CCDC178: variants seen among roughly 807,000 people sequenced by gnomAD.
CCDC178 encodes the protein coiled-coil domain containing 178.
A neutral mutation model predicts 117.4 loss-of-function variants in CCDC178; 126 were observed. That is an observed-to-expected ratio of 1.07 (90% CI 0.93 to 1.24). CCDC178 has a LOEUF of 1.24. Among genes scored for constraint, CCDC178 ranks in the 50% most tolerant of loss-of-function variants. The probability of loss-of-function intolerance (pLI) is 0.00; values close to 1 mark genes in which losing one functional copy is unlikely to be tolerated. For synonymous variants in CCDC178, 283 were observed against 313.4 expected (o/e 0.90, Z 1.02); for missense variants, 1,030 against 986.9 (o/e 1.04, Z -0.59).
At chr18:33,375,857 C>T (rs1201263771) in intron 5 of CCDC178, among the ~76,000 whole-genome samples, 1 of 152,156 alleles carries the variant, frequency 6.6e-6, no homozygotes, top group Non-Finnish European at 1.5e-5. Context: ...AACTTCAATT[C>T]TTGCCTCCTC....
intron 22 of CCDC178, among the ~76,000 whole-genome samples, chr18:32,958,765 T>C (rs1800727553): frequency 6.6e-6 from 1 of 152,182 alleles, no homozygotes; most frequent in African/African-American, 2.4e-5. Flanking sequence ...AGACTTTAAT[T>C]CTGCAAGCTT....
intron 15 of CCDC178, among the ~76,000 whole-genome samples, chr18:33,240,851 T>C (rs10221445): frequency 0.84 from 127,648 of 151,878 alleles, 54,236 homozygotes; most frequent in South Asian, 0.93. Context: ...TAGGTCATTC[T>C]ATGAGGCCAG....
At chr18:33,077,240 A>T (rs2145019033) in intron 21 of CCDC178, among the ~76,000 whole-genome samples, 1 of 152,258 alleles carries the variant, frequency 6.6e-6, no homozygotes, top group South Asian at 2.1e-4. Flanking sequence ...GTCCCAGGGG[A>T]CTCGGTTTGA....
chr18:33,438,661 C>T (rs2064327661), intron 2 of CCDC178, among the ~76,000 whole-genome samples: 1 of 151,926 alleles, frequency 6.6e-6, no homozygotes, highest in Non-Finnish European at 1.5e-5. Flanking sequence ...ACTAATTTTC[C>T]ACCAGGTATA....
intron 18 of CCDC178, among the ~76,000 whole-genome samples, chr18:33,219,763 C>T (rs1311676787): frequency 5.3e-5 from 8 of 151,572 alleles, no homozygotes; most frequent in Non-Finnish European, 1.0e-4. Flanking sequence ...CATCACACAC[C>T]GGAGCCTGTC....
At chr18:33,118,889 C>A (rs1030709328) in intron 20 of CCDC178, among the ~76,000 whole-genome samples, 1 of 152,100 alleles carries the variant, frequency 6.6e-6, no homozygotes, top group African/African-American at 2.4e-5. Flanking sequence ...TACCACACAT[C>A]TACAACCATC....
At chr18:33,200,729 G>C (rs1198618123) in intron 20 of CCDC178, among the ~76,000 whole-genome samples, 3 of 152,088 alleles carry the variant, frequency 2.0e-5, no homozygotes, top group African/African-American at 7.2e-5. Flanking sequence ...CAGATTTCCT[G>C]CAAGCCCCTC....
chr18:33,090,321 G>T (rs1026361036), intron 21 of CCDC178, among the ~76,000 whole-genome samples: 8 of 152,242 alleles, frequency 5.3e-5, no homozygotes, highest in Admixed American at 1.3e-4. Flanking sequence ...TATTTACTAT[G>T]CCAAAAGGAA....
At chr18:33,281,347 TA>T (rs1247394176) in intron 12 of CCDC178, among the ~76,000 whole-genome samples, 1 of 151,912 alleles carries the variant, frequency 6.6e-6, no homozygotes, top group Non-Finnish European at 1.5e-5. Flanking sequence ...ATTTTTATCT[TA>T]AAAAATAAAT....
At chr18:33,315,196 C>T (rs1176724056) in intron 11 of CCDC178, among the ~76,000 whole-genome samples, 1 of 152,118 alleles carries the variant, frequency 6.6e-6, no homozygotes, top group Non-Finnish European at 1.5e-5. Context: ...TCAAAGTCTC[C>T]CTAGACTCAC....
chr18:33,049,074 A>T (rs2056696505), intron 21 of CCDC178, among the ~76,000 whole-genome samples: 1 of 152,156 alleles, frequency 6.6e-6, no homozygotes, highest in South Asian at 2.1e-4. Flanking sequence ...CAAGTGTAAC[A>T]GCAATTAAGT....
At chr18:32,938,169 C>T (rs2054161871) in intron 22 of CCDC178, 78 bp from the exon 23 acceptor site, 1 of 990,790 alleles carries the variant, frequency 1.0e-6, no homozygotes, top group African/African-American at 1.6e-5. Context: ...TGAAATCATA[C>T]ACATGGAAAA....
At chr18:33,225,405 C>G (rs1429739959) in intron 16 of CCDC178, among the ~76,000 whole-genome samples, 2 of 152,122 alleles carry the variant, frequency 1.3e-5, no homozygotes, top group African/African-American at 4.8e-5. Flanking sequence ...AGCGATCCAC[C>G]CGCCTTGGCC....
intron 22 of CCDC178, among the ~76,000 whole-genome samples, chr18:32,961,421 C>T (rs2054700794): frequency 6.6e-6 from 1 of 152,016 alleles, no homozygotes; most frequent in African/African-American, 2.4e-5. Flanking sequence ...CCATATTGAG[C>T]TTGGTGTTGC....
Position 32,987,796 on chromosome 18 carries a change from A to C in CCDC178, c.2389-13115T>G, listed in dbSNP as rs1286625914. On this transcript the variant is annotated intron_variant, in intron 21 of 22. Coordinates refer to ENST00000383096, the MANE Select transcript of CCDC178 (RefSeq NM_001105528.4). ...ATATCTCCTTAGACATTTATGAGTA[A>C]AGTTAAAAATAATACATTTGGCTGG... 3.3e-5 allele frequency among the ~76,000 whole-genome samples: 5 copies of C among 151,106 alleles called. No individual in the cohort carries two copies. The East Asian group carries it at 9.6e-4, about 29-fold the overall frequency.
intron 22 of CCDC178, among the ~76,000 whole-genome samples, chr18:32,943,569 G>C (rs1374512626): frequency 6.6e-6 from 1 of 151,766 alleles, no homozygotes; most frequent in Non-Finnish European, 1.5e-5. Flanking sequence ...AAATTAATTA[G>C]CAGGAGTTTA....
intron 21 of CCDC178, among the ~76,000 whole-genome samples, chr18:33,079,529 T>A (rs1389814149): frequency 6.6e-6 from 1 of 152,160 alleles, no homozygotes; most frequent in Non-Finnish European, 1.5e-5. Context: ...AAACTGCACA[T>A]CTGACCAAGT....
intron 20 of CCDC178, among the ~76,000 whole-genome samples, chr18:33,184,533 C>CACAGTGTATACA (rs2058767615): frequency 2.6e-5 from 4 of 152,106 alleles, no homozygotes; most frequent in African/African-American, 9.6e-5. Context: ...AACAGATATA[C>CACAGTGTATACA]ACTAACCAGT....
intron 20 of CCDC178, among the ~76,000 whole-genome samples, chr18:33,096,739 C>G (rs1458318626): frequency 1.3e-5 from 2 of 152,026 alleles, no homozygotes; most frequent in Non-Finnish European, 2.9e-5. Flanking sequence ...AAGCCTCAAC[C>G]GTCTCAGTTC....
Sources: gnomAD v4.1 joint callset for allele counts (sites outside exome capture counted in the v4.1 genomes callset) on GRCh38, gnomAD v4.1.1 for gene constraint, MANE v1.5 for transcripts, NCBI Gene and HGNC (gene_info 2026-07-23, HGNC 2026-07-21) for gene names.